Variants in THSD7B observed in about 807,000 individuals in gnomAD.
THSD7B encodes thrombospondin type 1 domain containing 7B, also known as thrombospondin type-1 domain-containing protein 7B.
A neutral mutation model predicts 213.6 loss-of-function variants in THSD7B; 138 were observed. That is an observed-to-expected ratio of 0.65 (90% CI 0.56 to 0.74). The LOEUF (loss-of-function observed/expected upper bound fraction) is 0.74. THSD7B is among the 30% of genes least tolerant of loss of function. THSD7B has a pLI of 0.00. For missense variants in THSD7B, 1,931 were observed against 1,991.5 expected, an observed-to-expected ratio of 0.97 and a Z score of 0.58; for synonymous variants, 742 against 687.0, an observed-to-expected ratio of 1.08 and a Z score of -1.25.
chr2:137,429,030 C>A (rs1687117587), intron 14 of THSD7B, among the ~76,000 whole-genome samples: 1 of 152,246 alleles, frequency 6.6e-6, no homozygotes, highest in South Asian at 2.1e-4. Context: ...CTTGGATTTC[C>A]CAGTCTCCAG....
chr2:136,856,900 G>T (rs563754988), intron 1 of THSD7B, among the ~76,000 whole-genome samples: 1 of 152,316 alleles, frequency 6.6e-6, no homozygotes, highest in African/African-American at 2.4e-5. Context: ...CCCAAAGAGA[G>T]AAAGAGAATG....
intron 15 of THSD7B, among the ~76,000 whole-genome samples, chr2:137,548,049 C>G (rs1377923742): frequency 6.6e-6 from 1 of 151,894 alleles, no homozygotes; most frequent in Non-Finnish European, 1.5e-5. Flanking sequence ...CACATGACGT[C>G]AGATTTATCC....
At chr2:136,830,657 C>G (rs1682739068) in intron 1 of THSD7B, among the ~76,000 whole-genome samples, 1 of 152,064 alleles carries the variant, frequency 6.6e-6, no homozygotes, top group Non-Finnish European at 1.5e-5. Context: ...CCCATTTTAT[C>G]TTAGTTTCTA....
chr2:136,981,125 T>C (rs1222719643), intron 2 of THSD7B, among the ~76,000 whole-genome samples: 1 of 152,176 alleles, frequency 6.6e-6, no homozygotes, highest in Middle Eastern at 3.2e-3. Flanking sequence ...ATTGGGATAT[T>C]TGTAAAAGAG....
chr2:137,411,711 A>C lies in THSD7B; in HGVS notation c.2798A>C (p.Asn933Thr), dbSNP rs1423504970. The change falls in exon 14 of 28, where the codon AAC becomes ACC. Residue 933 changes from asparagine to threonine, a missense_variant. By Grantham distance (65) the Asn-to-Thr change is moderately conservative. Coordinates refer to ENST00000409968, the MANE Select transcript of THSD7B (RefSeq NM_001316349.2). ...GAATTTATATCCCAACCTTATGGAA[A>C]CTGGTCAGATTGCATTCTTCCAGAA... is the stretch of plus-strand genomic sequence containing the variant. ...CDEFISQPYG[N>T]WSDCILPEGR... 1.2e-6 allele frequency: 2 copies of C among 1,613,990 alleles called. No homozygotes were observed.
intron 2 of THSD7B, among the ~76,000 whole-genome samples, chr2:137,035,801 A>G (rs1686763645): frequency 6.6e-6 from 1 of 152,186 alleles, no homozygotes; most frequent in African/African-American, 2.4e-5. Context: ...ATATGCCTCA[A>G]TGAAGGGCAT....
At position 137,576,718 on chromosome 2, in the gene THSD7B, CT is replaced by C. The variant is rs1409190149; in HGVS notation, c.3423+4165del. ...ATTATTTCTTCAGGCAAATGCCCTG[CT>C]TTAGAAGAGAAAGAGAAATGCATGC... On this transcript the variant is annotated intron_variant, in intron 17 of 27. Transcript: ENST00000409968. Among the ~76,000 whole-genome samples the C allele has an allele frequency of 1.2e-4, 18 of 151,904 alleles. No individual in the cohort carries two copies. In the South Asian group the frequency reaches 3.7e-3, roughly 32 times the overall value.
At chr2:136,859,403 C>G (rs953168191) in intron 1 of THSD7B, among the ~76,000 whole-genome samples, 1 of 152,148 alleles carries the variant, frequency 6.6e-6, no homozygotes, top group Non-Finnish European at 1.5e-5. Flanking sequence ...ATTCTCTTCT[C>G]GAATAATTGA....
intron 27 of THSD7B, among the ~76,000 whole-genome samples, chr2:137,672,613 T>C (rs1042349230): frequency 6.6e-6 from 1 of 152,206 alleles, no homozygotes; most frequent in Non-Finnish European, 1.5e-5. Context: ...CTAATTCTAT[T>C]AAATGGATTG....
intron 12 of THSD7B, among the ~76,000 whole-genome samples, chr2:137,302,225 G>A (rs1267746828): frequency 2.0e-5 from 3 of 152,108 alleles, no homozygotes; most frequent in Non-Finnish European, 4.4e-5. Context: ...GGGATTGTAT[G>A]TAACTAGGGA....
chr2:137,075,632 G>A (rs1165110911), intron 3 of THSD7B, among the ~76,000 whole-genome samples: 3 of 152,214 alleles, frequency 2.0e-5, no homozygotes, highest in African/African-American at 4.8e-5. Context: ...GTGGTGAGGA[G>A]CTGCGTTCCT....
At chr2:137,142,909 T>C (rs72848301) in intron 5 of THSD7B, among the ~76,000 whole-genome samples, 8,285 of 152,216 alleles carry the variant, frequency 0.054, 307 homozygotes, top group Middle Eastern at 0.095. Context: ...CACACACTTA[T>C]TGAGATGAGT....
intron 14 of THSD7B, among the ~76,000 whole-genome samples, chr2:137,441,179 C>A (rs374356651): frequency 2.0e-5 from 3 of 152,168 alleles, no homozygotes; most frequent in South Asian, 4.2e-4. Context: ...AGCCTAAGGG[C>A]AAAGCATTTG....
chr2:137,315,655 C>T (rs1273298459), intron 12 of THSD7B, among the ~76,000 whole-genome samples: 2 of 152,004 alleles, frequency 1.3e-5, no homozygotes, highest in Non-Finnish European at 2.9e-5. Flanking sequence ...ATAAAAATAA[C>T]TAACTTGATT....
chr2:137,646,608 C>T (rs1683036136), intron 21 of THSD7B, among the ~76,000 whole-genome samples: 1 of 149,924 alleles, frequency 6.7e-6, no homozygotes, highest in South Asian at 2.1e-4. Context: ...GCTGAGATCA[C>T]CCCACTGCAC....
intron 12 of THSD7B, among the ~76,000 whole-genome samples, chr2:137,382,019 G>A (rs1685788139): frequency 6.6e-6 from 1 of 152,194 alleles, no homozygotes; most frequent in African/African-American, 2.4e-5. Flanking sequence ...ATATTCTGGG[G>A]GTGGATGTTT....
At chr2:137,583,164 C>A (rs1681622744) in intron 17 of THSD7B, among the ~76,000 whole-genome samples, 2 of 152,156 alleles carry the variant, frequency 1.3e-5, no homozygotes, top group South Asian at 4.1e-4. Flanking sequence ...TGTTCATATC[C>A]TTTGCCCACT....
intron 12 of THSD7B, among the ~76,000 whole-genome samples, chr2:137,294,517 A>G (rs12618791): frequency 0.051 from 7,387 of 144,282 alleles, 441 homozygotes; most frequent in African/African-American, 0.14. Flanking sequence ...CGGGAGGCAG[A>G]GGTTGCAGTA....
chr2:137,164,021 A>G (rs1680069899), intron 6 of THSD7B, among the ~76,000 whole-genome samples: 1 of 152,164 alleles, frequency 6.6e-6, no homozygotes, highest in African/African-American at 2.4e-5. Context: ...TCTGCCCATC[A>G]TGCACCACAT....
Sources: allele counts gnomAD v4.1 joint callset (sites outside exome capture counted in the v4.1 genomes callset), GRCh38; gene constraint gnomAD v4.1.1; transcripts MANE v1.5; gene names NCBI Gene and HGNC (gene_info 2026-07-23, HGNC 2026-07-21).